Variants in NAP1L4 observed in about 807,000 individuals in gnomAD.
The protein encoded by NAP1L4 is nucleosome assembly protein 1 like 4.
NAP1L4 carries 15 observed loss-of-function variants against 58.2 expected under a neutral mutation model. That is an observed-to-expected ratio of 0.26 (90% CI 0.17 to 0.40). The LOEUF is 0.40. NAP1L4 is among the 10% of genes least tolerant of loss of function. NAP1L4 has a pLI of 1.00. For synonymous variants in NAP1L4, 171 were observed against 155.6 expected (o/e 1.10, Z -0.74); for missense variants, 384 against 451.1 (o/e 0.85, Z 1.35).
rs1846219763 is a variant in NAP1L4, at chr11:2,951,380, C to T, written c.1066-65G>A. 5 of 1,426,316 alleles carry T rather than the reference C, an allele frequency of 3.5e-6. No homozygotes were observed. The highest frequency in any genetic ancestry group is 4.9e-6 in the Non-Finnish European group (5 of 1,010,558). 88.4% of individuals were successfully genotyped at this position (1,426,316 alleles called of 1,614,324 possible). ...TTAAACTCTTGTGGCATTCACAATC[C>T]ACAAACACAAGGAGCAAAACACTGC... On this transcript the variant is annotated intron_variant, in intron 13 of 15. Transcript: ENST00000380542. This position sits in a 1 kb window ranked among gnomAD's most constrained non-coding sequence, Gnocchi z 4.0.
In NAP1L4 at chr11:2,948,417, G is replaced by T. The variant is rs1846051604; in HGVS notation, c.*32+810C>A. 1.3e-5 allele frequency among the ~76,000 whole-genome samples: 2 copies of T among 152,180 alleles called. No individual in the cohort carries two copies. The highest frequency in any genetic ancestry group is 1.3e-4 in the Admixed American group (2 of 15,282). On this transcript the variant is annotated intron_variant, in intron 15 of 15. Coordinates refer to ENST00000380542, the MANE Select transcript of NAP1L4 (RefSeq NM_005969.4). The surrounding 1 kb of genome is among the most constrained non-coding windows in gnomAD (Gnocchi z 5.1). ...CTGCTATGGTTGTGGGGTTCCTCATGGCACCTCTTGTCCCCACCTCTCTGC... is the reference window on the plus strand; with the variant it reads ...CTGCTATGGTTGTGGGGTTCCTCATTGCACCTCTTGTCCCCACCTCTCTGC...
chr11:2,949,169 T>C lies in NAP1L4; in HGVS notation c.*32+58A>G, dbSNP rs560802193. 5.1e-5 allele frequency: 68 copies of C among 1,340,522 alleles called. No individual in the cohort carries two copies. Among genetic ancestry groups the C allele is most frequent in the Non-Finnish European group, 6.3e-5 (59 of 942,060 alleles). The allele number at this position is 1,340,522 out of a possible 1,614,324, so 83.0% of individuals were successfully genotyped here. On this transcript the variant is annotated intron_variant, in intron 15 of 15. Coordinates refer to ENST00000380542, the MANE Select transcript of NAP1L4 (RefSeq NM_005969.4). This position sits in a 1 kb window ranked among gnomAD's most constrained non-coding sequence, Gnocchi z 4.0. The stretch of plus-strand genomic sequence containing the variant: ...CTTTATTCAAAGTCAAAACAATGCA[T>C]TGTATAAAGTATAGATCAGAAGTTT...
chr11:2,958,040 G>A (rs1362117024), intron 10 of NAP1L4, among the ~76,000 whole-genome samples: 1 of 152,226 alleles, frequency 6.6e-6, no homozygotes, highest in East Asian at 1.9e-4. Context: ...AGAAATGCCA[G>A]CTGGTGGAGA....
chr11:2,963,166 A>T (rs983350747), intron 8 of NAP1L4, among the ~76,000 whole-genome samples: 3 of 151,816 alleles, frequency 2.0e-5, no homozygotes, highest in Non-Finnish European at 4.4e-5. Flanking sequence ...GAAAGGAAAA[A>T]AAAAGGAACT....
intron 4 of NAP1L4, among the ~76,000 whole-genome samples, chr11:2,972,752 T>A (rs964519570): frequency 6.6e-6 from 1 of 152,164 alleles, no homozygotes; most frequent in Middle Eastern, 3.2e-3. Flanking sequence ...TAGGATTGCT[T>A]GAGGGCAGGA....
At position 2,955,035 on chromosome 11, in the gene NAP1L4, CCA is replaced by C. The variant is rs1234703863; in HGVS notation, c.916-391_916-390del. Among the ~76,000 whole-genome samples, 1 of 151,986 alleles carries C rather than the reference CCA, an allele frequency of 6.6e-6. No individual in the cohort carries two copies. The highest frequency in any genetic ancestry group is 2.4e-5 in the African/African-American group (1 of 41,340). ...GATGTGTAATGATTTCAAATTAATCCCAGAGTTTTAGGAAACAGAAATGGATT... is the reference window on the plus strand; with the variant it reads ...GATGTGTAATGATTTCAAATTAATCCGAGTTTTAGGAAACAGAAATGGATT... On this transcript the variant is annotated intron_variant, in intron 11 of 15. Transcript: ENST00000380542. The surrounding 1 kb of genome is among the most constrained non-coding windows in gnomAD (Gnocchi z 4.2).
Position 2,954,807 on chromosome 11 carries a change from T to G in NAP1L4, c.916-161A>C. 1 of 869,426 alleles carries G rather than the reference T, an allele frequency of 1.2e-6. No individual in the cohort carries two copies. Among genetic ancestry groups the G allele is most frequent in the Non-Finnish European group, 1.8e-6 (1 of 558,586 alleles). 53.9% of individuals were successfully genotyped at this position (869,426 alleles called of 1,614,324 possible). A position where few individuals can be genotyped will look rare whatever the true frequency, so the allele number is the denominator to read the frequency against. ...CAGCCACTAGACACTCAAAGCCCCT[T>G]TAAAACAACTTTAAGTAGCTTTAAA... On this transcript the variant is annotated intron_variant, in intron 11 of 15. Coordinates refer to ENST00000380542, the MANE Select transcript of NAP1L4 (RefSeq NM_005969.4). The surrounding 1 kb of genome is among the most constrained non-coding windows in gnomAD (Gnocchi z 4.8).
At chr11:2,957,478 C>A (rs1315568950) in intron 10 of NAP1L4, among the ~76,000 whole-genome samples, 1 of 152,190 alleles carries the variant, frequency 6.6e-6, no homozygotes, top group Non-Finnish European at 1.5e-5. Context: ...AGAAGAGATC[C>A]GCCCTGTGGC....
rs1845949124 is a variant in NAP1L4, at chr11:2,946,542, G to A, written c.*33-896C>T. Among the ~76,000 whole-genome samples, 1 of 152,158 alleles carries A rather than the reference G, an allele frequency of 6.6e-6. No individual in the cohort carries two copies. Among genetic ancestry groups the A allele is most frequent in the South Asian group, 2.1e-4 (1 of 4,824 alleles). ...GATTACAAATTGCCCTTAATCCAGCGTGCCTATGGAACCTAAGAACTTGTA... is the reference window on the plus strand; with the variant it reads ...GATTACAAATTGCCCTTAATCCAGCATGCCTATGGAACCTAAGAACTTGTA... On this transcript the variant is annotated intron_variant, in intron 15 of 15. Coordinates refer to ENST00000380542, the MANE Select transcript of NAP1L4 (RefSeq NM_005969.4). This position sits in a 1 kb window ranked among gnomAD's most constrained non-coding sequence, Gnocchi z 4.8.
intron 3 of NAP1L4, among the ~76,000 whole-genome samples, chr11:2,977,107 C>T (rs949738896): frequency 5.3e-5 from 8 of 152,164 alleles, no homozygotes; most frequent in Non-Finnish European, 7.3e-5. Flanking sequence ...ATTTAAGGTA[C>T]GTAATTTGTA....
rs560756724 is a variant in NAP1L4 at position 2,945,596 on chromosome 11, C to T, written c.*83G>A. 40 of 1,535,908 alleles carry T rather than the reference C, an allele frequency of 2.6e-5. No individual in the cohort carries two copies. The African/African-American group carries it at 4.8e-4, about 18-fold the overall frequency. On this transcript the variant is annotated 3_prime_UTR_variant, in exon 16 of 16. Transcript: ENST00000380542. ...CCCGACAGCCGGTCTGCCAGGCACCCGCCTCCGCTTCCTACTGCTGCTTGC... is the reference window on the plus strand; with the variant it reads ...CCCGACAGCCGGTCTGCCAGGCACCTGCCTCCGCTTCCTACTGCTGCTTGC...
rs1375987565 is a variant in NAP1L4, at chr11:2,967,606, G to A, written c.534+2197C>T. On this transcript the variant is annotated intron_variant, in intron 7 of 15. Transcript: ENST00000380542. Reference sequence around the variant, plus strand: ...AGCCTGGGCGACAGAGCGAGACTCCGTTAAAAAAAAAAAAAAAAGAAAATA... The same window carrying A: ...AGCCTGGGCGACAGAGCGAGACTCCATTAAAAAAAAAAAAAAAAGAAAATA... 6.8e-5 allele frequency among the ~76,000 whole-genome samples: 9 copies of A among 131,704 alleles called. No individual in the cohort carries two copies. The South Asian group carries it at 1.2e-3, about 17-fold the overall frequency. 86.4% of individuals were successfully genotyped at this position (131,704 alleles called of 152,430 possible). A position where few individuals can be genotyped will look rare whatever the true frequency, so the allele number is the denominator to read the frequency against.
chr11:2,969,019 G>C (rs1220798720), intron 7 of NAP1L4, among the ~76,000 whole-genome samples: 1 of 35,770 alleles, frequency 2.8e-5, no homozygotes, highest in Non-Finnish European at 4.3e-5. Context: ...TGGAGACAGG[G>C]TCTCGTCACC....
At chr11:2,966,914 G>A (rs1847314703) in intron 7 of NAP1L4, among the ~76,000 whole-genome samples, 1 of 152,138 alleles carries the variant, frequency 6.6e-6, no homozygotes, top group Non-Finnish European at 1.5e-5. Context: ...TAAATGTCCA[G>A]GGCAAATATT....
intron 1 of NAP1L4, among the ~76,000 whole-genome samples, chr11:2,982,435 C>A (rs1419590037): frequency 6.6e-6 from 1 of 152,186 alleles, no homozygotes; most frequent in African/African-American, 2.4e-5. Flanking sequence ...GTTGTCATCA[C>A]CCTATCAGTA....
intron 10 of NAP1L4, among the ~76,000 whole-genome samples, chr11:2,956,292 C>T (rs977328428): frequency 1.3e-5 from 2 of 152,146 alleles, no homozygotes; most frequent in South Asian, 2.1e-4. Flanking sequence ...TGTAGAGTGG[C>T]GCAATTCCTC....
Position 2,959,952 on chromosome 11 carries a change from A to T in NAP1L4, c.607-43T>A, listed in dbSNP as rs1218410162. On this transcript the variant is annotated intron_variant, in intron 8 of 15. Transcript: ENST00000380542. This position sits in a 1 kb window ranked among gnomAD's most constrained non-coding sequence, Gnocchi z 4.9. The stretch of plus-strand genomic sequence containing the variant: ...GAGTAAGCACCAGTTAAAATAGAAA[A>T]ATAACGAGGACAGATTGCTTGGAGT... 6.2e-7 allele frequency: 1 copy of T among 1,600,870 alleles called. No individual in the cohort carries two copies. Among genetic ancestry groups the T allele is most frequent in the Admixed American group, 1.7e-5 (1 of 59,148 alleles).
intron 4 of NAP1L4, among the ~76,000 whole-genome samples, chr11:2,974,797 A>C (rs946378497): frequency 1.3e-5 from 2 of 152,170 alleles, no homozygotes; most frequent in Non-Finnish European, 2.9e-5. Context: ...TCACCATGGC[A>C]CATGTATACC....
chr11:2,976,038 G>A lies in NAP1L4; in HGVS notation c.159C>T (p.Ser53=). The A allele has an allele frequency of 5.0e-6, 8 of 1,613,734 alleles. No individual in the cohort carries two copies. The African/African-American group carries it at 8.0e-5, about 16-fold the overall frequency. Reference sequence around the variant, plus strand: ...AGCACACTTACGTTTCGATGTAGCTGGAAGGGGTGTGAGGGACATTGTCAA... The same window carrying A: ...AGCACACTTACGTTTCGATGTAGCTAGAAGGGGTGTGAGGGACATTGTCAA... ...ERLDNVPHTP[S]SYIETLPKAV... Residue 53 remains serine (S), a synonymous_variant, in exon 4 of 16, where the codon TCC becomes TCT. Transcript: ENST00000380542.
Sources: gnomAD v4.1 joint callset for allele counts (sites outside exome capture counted in the v4.1 genomes callset) on GRCh38, gnomAD v4.1.1 for gene constraint, Gnocchi (gnomAD v3.1) non-coding constraint, MANE v1.5 for transcripts, NCBI Gene and HGNC (gene_info 2026-07-23, HGNC 2026-07-21) for gene names.